Variants in DVL3 observed in about 807,000 individuals in gnomAD.
The protein encoded by DVL3 is dishevelled segment polarity protein 3, also known as segment polarity protein dishevelled homolog DVL-3.
In DVL3, 27 loss-of-function variants were observed where a neutral mutation model predicts 67.4. The observed-to-expected ratio is 0.40, with a 90% CI of 0.30 to 0.55. The LOEUF is 0.55. DVL3 is among the 20% of genes least tolerant of loss of function. The pLI, the probability that DVL3 is intolerant of heterozygous loss-of-function variation, is 0.46. For synonymous variants in DVL3, 369 were observed against 396.8 expected (o/e 0.93, Z 0.83); for missense variants, 819 against 1,021.5 (o/e 0.80, Z 2.70).
rs545711066 is a variant in DVL3 at position 184,165,219 on chromosome 3, G to A, written c.693+13G>A. The A allele has an allele frequency of 2.1e-4, 329 of 1,577,576 alleles. 1 individual carries two copies. The South Asian group carries it at 3.5e-3, about 17-fold the overall frequency. ...TCGGATTGAGCGGGTATGGGGTCTG[G>A]GAGGCTAGGGATGGGTGGAGGCAGA... On this transcript the variant is annotated intron_variant, in intron 6 of 14. Transcript: ENST00000313143. The surrounding 1 kb of genome is among the most constrained non-coding windows in gnomAD (Gnocchi z 4.1).
chr3:184,172,561 C>T lies in DVL3; in HGVS notation c.*1806C>T, dbSNP rs1714881281. The T allele has an allele frequency of 1.3e-5, 2 of 152,172 alleles. No individual in the cohort carries two copies. Among genetic ancestry groups the T allele is most frequent in the Admixed American group, 1.3e-4 (2 of 15,270 alleles). The allele number at this position is 152,172 out of a possible 1,614,324, so 9.4% of individuals were successfully genotyped here. ...CCAGCCTGGCCAACATAGCAAAACCCTGTCTCTACTAAAAATACAAAAATT... is the reference window on the plus strand; with the variant it reads ...CCAGCCTGGCCAACATAGCAAAACCTTGTCTCTACTAAAAATACAAAAATT... On this transcript the variant is annotated 3_prime_UTR_variant, in exon 15 of 15. Coordinates refer to ENST00000313143, the MANE Select transcript of DVL3 (RefSeq NM_004423.4).
rs1436508497 is a variant in DVL3 at position 184,165,631 on chromosome 3, A to G, written c.763+140A>G. 3 of 710,218 alleles carry G rather than the reference A, an allele frequency of 4.2e-6. No homozygotes were observed. Among genetic ancestry groups the G allele is most frequent in the Non-Finnish European group, 7.3e-6 (3 of 410,242 alleles). The allele number at this position is 710,218 out of a possible 1,614,324, so 44.0% of individuals were successfully genotyped here. On this transcript the variant is annotated intron_variant, in intron 7 of 14. Coordinates refer to ENST00000313143, the MANE Select transcript of DVL3 (RefSeq NM_004423.4). The surrounding 1 kb of genome is among the most constrained non-coding windows in gnomAD (Gnocchi z 4.1). ...ACATCAGCTGATACATAAACTGATCATTTTAGTATCTCACCATCAGGGCTA... is the reference window on the plus strand; with the variant it reads ...ACATCAGCTGATACATAAACTGATCGTTTTAGTATCTCACCATCAGGGCTA...
Position 184,170,525 on chromosome 3 carries a change from G to A in DVL3, c.1921G>A (p.Ala641Thr), listed in dbSNP as rs752513163. The change falls in exon 15 of 15, where the codon GCC becomes ACC. Residue 641 changes from alanine to threonine, a missense_variant. Coordinates refer to ENST00000313143, the MANE Select transcript of DVL3 (RefSeq NM_004423.4). This position sits in a 1 kb window ranked among gnomAD's most constrained non-coding sequence, Gnocchi z 6.5. ...CAGCCACCGCAGCCACCATTCCCTGGCCAGCAGCCTTCGCAGCCACCACAC... is the reference window on the plus strand; with the variant it reads ...CAGCCACCGCAGCCACCATTCCCTGACCAGCAGCCTTCGCAGCCACCACAC... Reference protein sequence around the residue: ...EHSHRSHHSLASSLRSHHTHP... With the variant: ...EHSHRSHHSLTSSLRSHHTHP... 1.2e-6 allele frequency: 2 copies of A among 1,609,854 alleles called. No homozygotes were observed. The highest frequency in any genetic ancestry group is 1.7e-6 in the Non-Finnish European group (2 of 1,178,076).
chr3:184,164,215 C>T lies in DVL3; in HGVS notation c.232-52C>T. The T allele has an allele frequency of 6.3e-7, 1 of 1,595,410 alleles. No individual in the cohort carries two copies. The highest frequency in any genetic ancestry group is 8.5e-7 in the Non-Finnish European group (1 of 1,170,004). ...TGCCTTGCTGGAAGTGAACTATCCC[C>T]TTCTCCTTGATGCTCCTGTAACATA... On this transcript the variant is annotated intron_variant, in intron 2 of 14. Transcript: ENST00000313143. This position sits in a 1 kb window ranked among gnomAD's most constrained non-coding sequence, Gnocchi z 5.3.
Position 184,155,865 on chromosome 3 carries a change from G to A in DVL3, c.161+69G>A. On this transcript the variant is annotated intron_variant, in intron 1 of 14. Transcript: ENST00000313143. The surrounding 1 kb of genome is among the most constrained non-coding windows in gnomAD (Gnocchi z 5.4). ...TGGCTTCTAAGGGATGACGCGGTCC[G>A]TTTCGACTTGCCTCGCTACACCGGC... 6.6e-7 allele frequency: 1 copy of A among 1,513,874 alleles called. No individual in the cohort carries two copies. Among genetic ancestry groups the A allele is most frequent in the Non-Finnish European group, 8.9e-7 (1 of 1,125,484 alleles). 93.8% of individuals were successfully genotyped at this position (1,513,874 alleles called of 1,614,324 possible).
rs1268818341 is a variant in DVL3 at position 184,165,415 on chromosome 3, A to G, written c.694-7A>G. On this transcript the variant is annotated splice_region_variant and splice_polypyrimidine_tract_variant and intron_variant, in intron 6 of 14. Transcript: ENST00000313143. This position sits in a 1 kb window ranked among gnomAD's most constrained non-coding sequence, Gnocchi z 4.1. The stretch of plus-strand genomic sequence containing the variant: ...CACCTGCTGCTCAGGGCCTCTGTCT[A>G]TTCCAGTCCTCGTCCTTCAGCAGCA... 1 of 1,613,928 alleles carries G rather than the reference A, an allele frequency of 6.2e-7. No homozygotes were observed. The highest frequency in any genetic ancestry group is 2.2e-5 in the East Asian group (1 of 44,862).
At position 184,173,057 on chromosome 3, in the gene DVL3, A is replaced by T. The variant is rs1398768950; in HGVS notation, c.*2302A>T. 6.6e-6 allele frequency: 1 copy of T among 152,436 alleles called. No homozygotes were observed. Among genetic ancestry groups the T allele is most frequent in the Non-Finnish European group, 1.5e-5 (1 of 68,162 alleles). The allele number at this position is 152,436 out of a possible 1,614,324, so 9.4% of individuals were successfully genotyped here. ...ATCCTGATGTCCTCAATTGCTGCTG[A>T]TATGCTGGTGATTCCCAAATACATA... is the stretch of plus-strand genomic sequence containing the variant. On this transcript the variant is annotated 3_prime_UTR_variant, in exon 15 of 15. Coordinates refer to ENST00000313143, the MANE Select transcript of DVL3 (RefSeq NM_004423.4).
rs570435134 is a variant in DVL3, at chr3:184,170,668, C to G, written c.2064C>G (p.Ala688=). The change falls in exon 15 of 15, where the codon GCC becomes GCG. Residue 688 remains alanine, a synonymous_variant. Coordinates refer to ENST00000313143, the MANE Select transcript of DVL3 (RefSeq NM_004423.4). This position sits in a 1 kb window ranked among gnomAD's most constrained non-coding sequence, Gnocchi z 6.5. ...PPGAPPGRDL[A]SVPPELTASR... is the part of the protein sequence containing the mutation. ...GAGCCCCTCCGGGCCGCGACCTGGCCTCAGTGCCCCCGGAACTGACCGCCA... is the reference window on the plus strand; with the variant it reads ...GAGCCCCTCCGGGCCGCGACCTGGCGTCAGTGCCCCCGGAACTGACCGCCA... 6.2e-7 allele frequency: 1 copy of G among 1,613,304 alleles called. No homozygotes were observed. The highest frequency in any genetic ancestry group is 1.3e-5 in the African/African-American group (1 of 74,804).
rs1714647398 is a variant in DVL3, at chr3:184,167,719, A to G, written c.1330+8A>G. ...TCCCTAATGCTTTCATCGGTGAGAG[A>G]GCCCCATGGTGGGATGCAGGGTGGG... On this transcript the variant is annotated splice_region_variant and intron_variant, in intron 12 of 14. Transcript: ENST00000313143. The surrounding 1 kb of genome is among the most constrained non-coding windows in gnomAD (Gnocchi z 4.6). 2.6e-6 allele frequency: 4 copies of G among 1,551,562 alleles called. No individual in the cohort carries two copies. The highest frequency in any genetic ancestry group is 3.5e-6 in the Non-Finnish European group (4 of 1,128,930).
Position 184,164,858 on chromosome 3 carries a change from T to G in DVL3, c.526T>G (p.Ser176Ala), listed in dbSNP as rs1229611874. Residue 176 changes from serine (S) to alanine (A), a missense_variant, in exon 5 of 15, where the codon TCA becomes GCA. Around this residue, in one of 3 missense-constraint regions of DVL3, gnomAD observed 385 missense variants for 486.8 expected, o/e 0.79. Coordinates refer to ENST00000313143, the MANE Select transcript of DVL3 (RefSeq NM_004423.4). This position sits in a 1 kb window ranked among gnomAD's most constrained non-coding sequence, Gnocchi z 5.3. ...GCGAGAACCAGGGGGTTATGATAGC[T>G]CATCCACCCTTATGAGCAGTGAGCT... ...RRREPGGYDS[S>A]STLMSSELET... 1 of 1,614,040 alleles carries G rather than the reference T, an allele frequency of 6.2e-7. No individual in the cohort carries two copies. The highest frequency in any genetic ancestry group is 8.5e-7 in the Non-Finnish European group (1 of 1,180,034).
At position 184,164,278 on chromosome 3, in the gene DVL3, T is replaced by G. The variant is rs1444142700; in HGVS notation, c.243T>G (p.Ala81=). 1 of 1,613,936 alleles carries G rather than the reference T, an allele frequency of 6.2e-7. No homozygotes were observed. Among genetic ancestry groups the G allele is most frequent in the African/African-American group, 1.3e-5 (1 of 74,930 alleles). The change falls in exon 3 of 15, where the codon GCT becomes GCG. Residue 81 remains alanine (A), a synonymous_variant. Coordinates refer to ENST00000313143, the MANE Select transcript of DVL3 (RefSeq NM_004423.4). This position sits in a 1 kb window ranked among gnomAD's most constrained non-coding sequence, Gnocchi z 5.3. The stretch of plus-strand genomic sequence containing the variant: ...TTTCTCCCTTTCAGCTGGTGTCAGC[T>G]GAGGGCTCACACCCAGACCCAGCCC... ...NGRVVSWLVS[A]EGSHPDPAPF... is the part of the protein sequence containing the mutation.
In DVL3 at chr3:184,170,491, C is replaced by T; in HGVS notation, c.1887C>T (p.Ala629=). The T allele has an allele frequency of 6.3e-7, 1 of 1,597,194 alleles. No homozygotes were observed. The part of the protein sequence containing the change: ...RAPSERSGPA[A]SEHSHRSHHS... ...CCAGCGAGCGCTCAGGGCCGGCGGC[C>T]AGCGAGCACAGCCACCGCAGCCACC... is the stretch of plus-strand genomic sequence containing the variant. The change falls in exon 15 of 15, where the codon GCC becomes GCT. Residue 629 remains alanine, a synonymous_variant. Transcript: ENST00000313143. The surrounding 1 kb of genome is among the most constrained non-coding windows in gnomAD (Gnocchi z 6.5).
chr3:184,165,056 C>A lies in DVL3; in HGVS notation c.600-57C>A. On this transcript the variant is annotated intron_variant, in intron 5 of 14. Coordinates refer to ENST00000313143, the MANE Select transcript of DVL3 (RefSeq NM_004423.4). The surrounding 1 kb of genome is among the most constrained non-coding windows in gnomAD (Gnocchi z 4.1). ...TGGGGACCCAGGCCCTGCAGTGCCT[C>A]CCCTCATGGGGGCAGGGCTGGGCCA... 3.1e-6 allele frequency: 5 copies of A among 1,610,180 alleles called. No homozygotes were observed. The South Asian group carries it at 4.4e-5, about 14-fold the overall frequency.
chr3:184,165,219 G>C lies in DVL3; in HGVS notation c.693+13G>C, dbSNP rs545711066. On this transcript the variant is annotated intron_variant, in intron 6 of 14. Coordinates refer to ENST00000313143, the MANE Select transcript of DVL3 (RefSeq NM_004423.4). The surrounding 1 kb of genome is among the most constrained non-coding windows in gnomAD (Gnocchi z 4.1). ...TCGGATTGAGCGGGTATGGGGTCTG[G>C]GAGGCTAGGGATGGGTGGAGGCAGA... 2 of 1,577,576 alleles carry C rather than the reference G, an allele frequency of 1.3e-6. No homozygotes were observed. The highest frequency in any genetic ancestry group is 1.7e-6 in the Non-Finnish European group (2 of 1,160,792).
At chr3:184,168,602 G>A (rs917581659) in intron 13 of DVL3, among the ~76,000 whole-genome samples, 27 of 152,120 alleles carry the variant, frequency 1.8e-4, no homozygotes, top group Admixed American at 1.7e-3. Flanking sequence ...TTGATGGCTT[G>A]GCTGCAGGCT....
In DVL3 at chr3:184,170,896, G is replaced by A. The variant is rs922754920; in HGVS notation, c.*141G>A. ...AATCCAGGTGCGCTAACTGCTCGCA[G>A]GGTGCTGCGAGGGTGGGGTGCACCT... On this transcript the variant is annotated 3_prime_UTR_variant, in exon 15 of 15. Coordinates refer to ENST00000313143, the MANE Select transcript of DVL3 (RefSeq NM_004423.4). The surrounding 1 kb of genome is among the most constrained non-coding windows in gnomAD (Gnocchi z 6.5). 2 of 1,546,918 alleles carry A rather than the reference G, an allele frequency of 1.3e-6. No individual in the cohort carries two copies. The highest frequency in any genetic ancestry group is 2.7e-5 in the African/African-American group (2 of 72,998).
chr3:184,166,451 C>G lies in DVL3; in HGVS notation c.909C>G (p.Asn303Lys). ...IEPGDMLLQV[N>K]EINFENMSND... is the part of the protein sequence containing the mutation. ...CACTCCTGGTCCTTTCCCAGGTAAA[C>G]GAGATCAACTTTGAGAACATGAGTA... Residue 303 changes from asparagine (N) to lysine (K), a missense_variant, in exon 9 of 15, where the codon AAC (asparagine) becomes AAG (lysine). Asn to Lys is a moderately conservative substitution (Grantham distance 94). This residue lies in a region of DVL3 where 385 missense variants were observed against 486.8 expected (regional missense o/e 0.79). Coordinates refer to ENST00000313143, the MANE Select transcript of DVL3 (RefSeq NM_004423.4). The surrounding 1 kb of genome is among the most constrained non-coding windows in gnomAD (Gnocchi z 6.7). The G allele has an allele frequency of 5.6e-6, 9 of 1,614,162 alleles. No homozygotes were observed. Among genetic ancestry groups the G allele is most frequent in the Non-Finnish European group, 7.6e-6 (9 of 1,180,024 alleles).
chr3:184,171,693 C>A lies in DVL3; in HGVS notation c.*938C>A. The A allele has an allele frequency of 1.4e-6, 1 of 690,282 alleles. No individual in the cohort carries two copies. The highest frequency in any genetic ancestry group is 1.8e-6 in the Non-Finnish European group (1 of 559,948). 42.8% of individuals were successfully genotyped at this position (690,282 alleles called of 1,614,324 possible). A position where few individuals can be genotyped will look rare whatever the true frequency, so the allele number is the denominator to read the frequency against. ...CCCAAGGATGTCCAGCCCCCACACC[C>A]ACACGTTAACATAATGAGTCACTAG... On this transcript the variant is annotated 3_prime_UTR_variant, in exon 15 of 15. Coordinates refer to ENST00000313143, the MANE Select transcript of DVL3 (RefSeq NM_004423.4).
rs747798722 is a variant in DVL3 at position 184,164,156 on chromosome 3, C to T, written c.232-111C>T. On this transcript the variant is annotated intron_variant, in intron 2 of 14. Coordinates refer to ENST00000313143, the MANE Select transcript of DVL3 (RefSeq NM_004423.4). This position sits in a 1 kb window ranked among gnomAD's most constrained non-coding sequence, Gnocchi z 5.3. ...TCGCACAGCCCTGTCTTTTCTCCCT[C>T]GATATTTCCTGCTTCCTTCCTCTTA... 3.9e-5 allele frequency: 52 copies of T among 1,327,104 alleles called. No individual in the cohort carries two copies. The highest frequency in any genetic ancestry group is 4.9e-5 in the Non-Finnish European group (47 of 952,412). The allele number at this position is 1,327,104 out of a possible 1,614,324, so 82.2% of individuals were successfully genotyped here.
Sources: allele counts gnomAD v4.1 joint callset (sites outside exome capture counted in the v4.1 genomes callset), GRCh38; gene constraint gnomAD v4.1.1; regional missense constraint gnomAD v4.1.1; non-coding constraint Gnocchi (gnomAD v3.1); transcripts MANE v1.5; gene names NCBI Gene and HGNC (gene_info 2026-07-23, HGNC 2026-07-21).